The following PAM variants were observed in gnomAD, a reference collection of about 807,000 sequenced individuals.
PAM encodes peptidyl-glycine alpha-amidating monooxygenase.
A neutral mutation model predicts 122.1 loss-of-function variants in PAM; 72 were observed. The ratio of observed to expected loss-of-function variants is 0.59; its 90% CI spans 0.49 to 0.72. The LOEUF (loss-of-function observed/expected upper bound fraction) is 0.72. Among genes scored for constraint, PAM ranks in the 30% least tolerant of loss-of-function variants. The pLI is 0.00. For synonymous variants in PAM, 389 were observed against 404.4 expected (o/e 0.96, Z 0.46); for missense variants, 1,106 against 1,183.7 (o/e 0.93, Z 0.96).
intron 7 of PAM, among the ~76,000 whole-genome samples, chr5:102,930,916 T>C (rs1581822244): frequency 6.6e-6 from 1 of 152,240 alleles, no homozygotes; most frequent in African/African-American, 2.4e-5. Flanking sequence ...GGTGATAGTA[T>C]GTATGGTACC....
intron 12 of PAM, among the ~76,000 whole-genome samples, chr5:102,954,529 T>C (rs1760090397): frequency 6.6e-6 from 1 of 151,616 alleles, no homozygotes; most frequent in Non-Finnish European, 1.5e-5. Context: ...CCATATATTA[T>C]ATTTATTTTT....
intron 1 of PAM, among the ~76,000 whole-genome samples, chr5:102,846,820 T>C (rs1203990214): frequency 6.6e-6 from 1 of 152,232 alleles, no homozygotes; most frequent in African/African-American, 2.4e-5. Context: ...TCTGTCACTT[T>C]AGCTTGCTCG....
chr5:102,925,793 A>G (rs1749236480), intron 6 of PAM, among the ~76,000 whole-genome samples: 1 of 151,810 alleles, frequency 6.6e-6, no homozygotes, highest in African/African-American at 2.4e-5. Context: ...AAAAAAAAAA[A>G]GTATACTTCT....
chr5:102,947,070 C>T (rs997006151), intron 8 of PAM, among the ~76,000 whole-genome samples, 185 bp downstream of exon 8: 2 of 152,200 alleles, frequency 1.3e-5, no homozygotes, highest in Non-Finnish European at 2.9e-5. Flanking sequence ...GATCCTCAGG[C>T]ATGTGTTCTC....
intron 16 of PAM, among the ~76,000 whole-genome samples, chr5:103,000,693 G>C (rs1029704436): frequency 6.6e-6 from 1 of 152,118 alleles, no homozygotes; most frequent in African/African-American, 2.4e-5. Context: ...TTCAGAAGGG[G>C]AAGCAAACAC....
chr5:102,778,366 A>G (rs1317706215), intron 1 of PAM, among the ~76,000 whole-genome samples: 1 of 152,148 alleles, frequency 6.6e-6, no homozygotes, highest in African/African-American at 2.4e-5. Context: ...TCTATATAGT[A>G]TTTTAGACAA....
At chr5:103,011,600 C>A (rs1025095750) in intron 21 of PAM, among the ~76,000 whole-genome samples, 2 of 152,132 alleles carry the variant, frequency 1.3e-5, no homozygotes, top group African/African-American at 4.8e-5. Context: ...GAGTCTTATT[C>A]TTTTTGTGGC....
intron 16 of PAM, among the ~76,000 whole-genome samples, chr5:103,002,016 A>G (rs1777535504): frequency 6.6e-6 from 1 of 152,004 alleles, no homozygotes; most frequent in Non-Finnish European, 1.5e-5. Flanking sequence ...ACACACACAC[A>G]TACACACCCA....
chr5:102,922,860 A>T (rs1747933215), intron 5 of PAM, among the ~76,000 whole-genome samples: 1 of 152,184 alleles, frequency 6.6e-6, no homozygotes, highest in Admixed American at 6.5e-5. Context: ...TCATTTCTTT[A>T]ACTATTATAG....
At chr5:102,859,794 AT>A (rs1783641206) in intron 1 of PAM, among the ~76,000 whole-genome samples, 1 of 152,126 alleles carries the variant, frequency 6.6e-6, no homozygotes, top group Admixed American at 6.5e-5. Flanking sequence ...TATATACAGT[AT>A]TTTTACTGTA....
rs1000524782 is a variant in PAM at position 102,849,400 on chromosome 5, T to C, written c.-373-16423T>C. ...AGTGAAACCCTGTCTCTACTAAAAA[T>C]ACAAAAAATTAGCTGGGCATGGTGG... On this transcript the variant is annotated intron_variant, in intron 1 of 25. Transcript: ENST00000438793. Among the ~76,000 whole-genome samples, 77 of 151,572 alleles carry C rather than the reference T, an allele frequency of 5.1e-4. 1 individual carries two copies. The highest frequency in any genetic ancestry group is 1.6e-4 in the Non-Finnish European group (11 of 67,882).
At chr5:102,882,108 T>C (rs189007599) in intron 3 of PAM, among the ~76,000 whole-genome samples, 8,224 of 102,062 alleles carry the variant, frequency 0.081, 1,377 homozygotes, top group East Asian at 0.25. Context: ...TATATATATA[T>C]ATACACCACA....
chr5:102,924,820 A>G, intron 5 of PAM, 137 bp from the exon 6 acceptor site: 1 of 577,524 alleles, frequency 1.7e-6, no homozygotes, highest in Non-Finnish European at 3.2e-6. Flanking sequence ...TCGGATCTTA[A>G]AGCTAATATC....
chr5:103,027,796 AT>A (rs1174154054), intron 24 of PAM, among the ~76,000 whole-genome samples: 1 of 152,198 alleles, frequency 6.6e-6, no homozygotes, highest in Non-Finnish European at 1.5e-5. Context: ...ACATTTCCTG[AT>A]TAAAAAAATA....
intron 3 of PAM, among the ~76,000 whole-genome samples, chr5:102,878,768 T>A (rs1010808668): frequency 1.3e-5 from 2 of 152,026 alleles, no homozygotes; most frequent in Non-Finnish European, 2.9e-5. Context: ...GCTTATAGAA[T>A]AAAGACATAA....
At chr5:102,943,588 T>C (rs1422745725) in intron 7 of PAM, among the ~76,000 whole-genome samples, 2 of 152,210 alleles carry the variant, frequency 1.3e-5, no homozygotes, top group Non-Finnish European at 2.9e-5. Flanking sequence ...TAGCATTTAT[T>C]AAACATTAAT....
chr5:102,970,260 TA>T (rs1201043441), intron 14 of PAM, among the ~76,000 whole-genome samples: 1 of 152,240 alleles, frequency 6.6e-6, no homozygotes, highest in Non-Finnish European at 1.5e-5. Context: ...GTTTTGAATA[TA>T]AATTAATTCA....
intron 3 of PAM, among the ~76,000 whole-genome samples, chr5:102,890,325 A>T (rs944933463): frequency 2.6e-5 from 4 of 151,864 alleles, no homozygotes; most frequent in Non-Finnish European, 5.9e-5. Flanking sequence ...TTGATAATCC[A>T]TTATAAAGTC....
chr5:102,806,887 A>G (rs1004370965), intron 1 of PAM, among the ~76,000 whole-genome samples: 4 of 152,206 alleles, frequency 2.6e-5, no homozygotes, highest in African/African-American at 9.7e-5. Context: ...TGCTATTGTA[A>G]TCCATTTTAC....
Sources: allele counts gnomAD v4.1 joint callset (sites outside exome capture counted in the v4.1 genomes callset), GRCh38; gene constraint gnomAD v4.1.1; transcripts MANE v1.5; gene names NCBI Gene and HGNC (gene_info 2026-07-23, HGNC 2026-07-21).